SAAL1: variants seen among roughly 807,000 people sequenced by gnomAD.
The protein encoded by SAAL1 is serum amyloid A like 1.
In SAAL1, 42 loss-of-function variants were observed where a neutral mutation model predicts 59.8. The ratio of observed to expected loss-of-function variants is 0.70; its 90% confidence interval spans 0.55 to 0.91. The LOEUF (loss-of-function observed/expected upper bound fraction) is 0.91, where lower values mean the gene tolerates loss of function less well. Ranked by LOEUF, SAAL1 falls within the 40% of genes least tolerant of loss-of-function variation. The pLI is 0.00. For missense variants in SAAL1, 542 were observed against 561.1 expected, an observed-to-expected ratio of 0.97 and a Z score of 0.34; for synonymous variants, 191 against 194.3, an observed-to-expected ratio of 0.98 and a Z score of 0.14.
intron 2 of SAAL1, among the ~76,000 whole-genome samples, chr11:18,097,600 G>A (rs1848590890): frequency 6.6e-6 from 1 of 152,190 alleles, no homozygotes; most frequent in Admixed American, 6.5e-5. Context: ...AACACTTTGG[G>A]AGGCTGGTTA....
chr11:18,090,129 A>T, intron 6 of SAAL1, 46 bp downstream of exon 6: 3 of 1,475,366 alleles, frequency 2.0e-6, no homozygotes, highest in Non-Finnish European at 2.7e-6. Context: ...CCTAAAAATT[A>T]GATACAATTT....
chr11:18,083,874 C>T (rs1848435841), intron 9 of SAAL1, 143 bp from the exon 10 acceptor site: 1 of 471,756 alleles, frequency 2.1e-6, no homozygotes, highest in Non-Finnish European at 3.7e-6. Context: ...CCATAAGAGG[C>T]TTACATTTTT....
In SAAL1 at chr11:18,103,302, C is replaced by A. The variant is rs1012280107; in HGVS notation, c.180G>T (p.Glu60Asp). The change falls in exon 2 of 12, where the codon GAG (glutamate) becomes GAT (aspartate). Residue 60 changes from glutamate (E) to aspartate (D), a missense_variant. Glu to Asp is a conservative substitution (Grantham distance 45). Transcript: ENST00000524803. ...TTTCTTCATCAAGCTCCGTCAGCTG[C>A]TCCTCATCATCTGAGCTAGATTTGG... ...ENTKSSSDDE[E>D]QLTELDEEME... 1 of 1,613,844 alleles carries A rather than the reference C, an allele frequency of 6.2e-7. No individual in the cohort carries two copies. The highest frequency in any genetic ancestry group is 1.3e-5 in the African/African-American group (1 of 74,936).
At position 18,103,307 on chromosome 11, in the gene SAAL1, C is replaced by T; in HGVS notation, c.175G>A (p.Glu59Lys). The change falls in exon 2 of 12, where the codon GAG (glutamate) becomes AAG (lysine). Residue 59 changes from glutamate (E) to lysine (K), a missense_variant. Coordinates refer to ENST00000524803, the MANE Select transcript of SAAL1 (RefSeq NM_138421.3). ...PENTKSSSDDEEQLTELDEEM... is the reference protein window; with the variant it reads ...PENTKSSSDDKEQLTELDEEM... ...TCATCAAGCTCCGTCAGCTGCTCCT[C>T]ATCATCTGAGCTAGATTTGGTGTTT... 2 of 1,613,970 alleles carry T rather than the reference C, an allele frequency of 1.2e-6. No homozygotes were observed. Among genetic ancestry groups the T allele is most frequent in the Non-Finnish European group, 1.7e-6 (2 of 1,179,946 alleles).
intron 1 of SAAL1, among the ~76,000 whole-genome samples, chr11:18,103,812 A>AT (rs1404443401): frequency 6.6e-6 from 1 of 152,206 alleles, no homozygotes; most frequent in Admixed American, 6.5e-5. Flanking sequence ...CGTGACAATA[A>AT]TTATGTGGTA....
intron 2 of SAAL1, among the ~76,000 whole-genome samples, chr11:18,102,104 T>C (rs1848640278): frequency 6.6e-6 from 1 of 152,104 alleles, no homozygotes; most frequent in African/African-American, 2.4e-5. Flanking sequence ...TGCGTACACA[T>C]CCGTCAAAGT....
At chr11:18,083,234 A>G (rs570112457) in intron 10 of SAAL1, 3 of 170,828 alleles carry the variant, frequency 1.8e-5, no homozygotes, top group Non-Finnish European at 2.5e-5. Flanking sequence ...AAAAATGTTT[A>G]TAATACAGTG....
Position 18,087,066 on chromosome 11 carries a change from G to A in SAAL1, c.854-12C>T, listed in dbSNP as rs1267696591. The A allele has an allele frequency of 1.9e-6, 3 of 1,609,646 alleles. No homozygotes were observed. Among genetic ancestry groups the A allele is most frequent in the East Asian group, 2.2e-5 (1 of 44,842 alleles). ...GTCAGGACAATGTACTTAATAAAGA[G>A]GACAAATAAAGCAGTACTTTAAAAT... On this transcript the variant is annotated splice_polypyrimidine_tract_variant and intron_variant, in intron 8 of 11. Coordinates refer to ENST00000524803, the MANE Select transcript of SAAL1 (RefSeq NM_138421.3).
intron 11 of SAAL1, 96 bp from the exon 12 acceptor site, chr11:18,080,587 T>A (rs778935395): frequency 5.7e-6 from 4 of 702,612 alleles, no homozygotes; most frequent in Non-Finnish European, 9.3e-6. Flanking sequence ...AATGGTCCAA[T>A]GGAAAAGAAA....
At chr11:18,088,567 T>C (rs929586462) in intron 7 of SAAL1, among the ~76,000 whole-genome samples, 1 of 152,144 alleles carries the variant, frequency 6.6e-6, no homozygotes, top group African/African-American at 2.4e-5. Context: ...AATGGCTTGA[T>C]TGGCATGGAT....
Position 18,080,913 on chromosome 11 carries a change from T to C in SAAL1, c.1333-422A>G, listed in dbSNP as rs566915644. 2.0e-5 allele frequency among the ~76,000 whole-genome samples: 3 copies of C among 152,338 alleles called. No individual in the cohort carries two copies. The South Asian group carries it at 6.2e-4, about 32-fold the overall frequency. ...CATAACAGAAAGGAGTACTATAAATTCAGAGCTTATTTTTTTCCTCTTAGA... is the reference window on the plus strand; with the variant it reads ...CATAACAGAAAGGAGTACTATAAATCCAGAGCTTATTTTTTTCCTCTTAGA... On this transcript the variant is annotated intron_variant, in intron 11 of 11. Coordinates refer to ENST00000524803, the MANE Select transcript of SAAL1 (RefSeq NM_138421.3).
intron 3 of SAAL1, among the ~76,000 whole-genome samples, chr11:18,096,539 C>T (rs1254753598): frequency 6.6e-6 from 1 of 151,964 alleles, no homozygotes; most frequent in African/African-American, 2.4e-5. Flanking sequence ...GCCGTGATCA[C>T]GCCACTGCAC....
Position 18,083,728 on chromosome 11 carries a change from T to C in SAAL1, c.1046A>G (p.Asp349Gly), listed in dbSNP as rs1332382318. The change falls in exon 10 of 12, where the codon GAT (aspartate) becomes GGT (glycine). Residue 349 changes from aspartate to glycine, a missense_variant. Coordinates refer to ENST00000524803, the MANE Select transcript of SAAL1 (RefSeq NM_138421.3). ...EQEYLKIEKV[D>G]LPLIDSLIRV... is the part of the protein sequence containing the mutation. The stretch of plus-strand genomic sequence containing the variant: ...AATGAGGCTGTCAATTAGAGGAAGA[T>C]CTACTGTATAAACAAATCAAGAAGC... 38 of 1,601,524 alleles carry C rather than the reference T, an allele frequency of 2.4e-5. No individual in the cohort carries two copies. Among genetic ancestry groups the C allele is most frequent in the Non-Finnish European group, 3.2e-5 (38 of 1,173,976 alleles).
At chr11:18,082,334 C>T (rs1848419260) in intron 10 of SAAL1, among the ~76,000 whole-genome samples, 1 of 152,166 alleles carries the variant, frequency 6.6e-6, no homozygotes, top group South Asian at 2.1e-4. Flanking sequence ...ATTTCAATCT[C>T]ATTAATTTAA....
At chr11:18,094,587 A>G (rs1338601834) in intron 3 of SAAL1, among the ~76,000 whole-genome samples, 1 of 152,196 alleles carries the variant, frequency 6.6e-6, no homozygotes, top group Admixed American at 6.5e-5. Context: ...TAAGTTCACT[A>G]GGAAAATGAA....
chr11:18,102,420 T>C (rs185505210), intron 2 of SAAL1, among the ~76,000 whole-genome samples: 260 of 151,346 alleles, frequency 1.7e-3, no homozygotes, highest in Non-Finnish European at 3.0e-3. Context: ...AAAATCAATG[T>C]CAATGATACT....
Position 18,087,333 on chromosome 11 carries a change from G to T in SAAL1, c.771-108C>A, listed in dbSNP as rs948096184. On this transcript the variant is annotated intron_variant, in intron 7 of 11. Transcript: ENST00000524803. ...ATTACTCTGCCAGCCACTGTTCAAGGTGCTGAGGATAAAACAAGGAAAGGA... is the reference window on the plus strand; with the variant it reads ...ATTACTCTGCCAGCCACTGTTCAAGTTGCTGAGGATAAAACAAGGAAAGGA... 2.3e-5 allele frequency: 16 copies of T among 691,278 alleles called. No individual in the cohort carries two copies. In the African/African-American group the frequency reaches 2.9e-4, roughly 12 times the overall value. The allele number at this position is 691,278 out of a possible 1,614,324, so 42.8% of individuals were successfully genotyped here.
chr11:18,094,846 T>C (rs1848555979), intron 3 of SAAL1, among the ~76,000 whole-genome samples: 1 of 152,104 alleles, frequency 6.6e-6, no homozygotes, highest in Non-Finnish European at 1.5e-5. Context: ...CCTTATAAAC[T>C]AAAGAGGGAA....
chr11:18,096,491 G>A (rs1407547412), intron 3 of SAAL1, among the ~76,000 whole-genome samples: 1 of 152,070 alleles, frequency 6.6e-6, no homozygotes, highest in Non-Finnish European at 1.5e-5. Context: ...GCTGAGGTGG[G>A]AGGGTCCCTT....
Sources: allele counts gnomAD v4.1 joint callset (sites outside exome capture counted in the v4.1 genomes callset), GRCh38; gene constraint gnomAD v4.1.1; transcripts MANE v1.5; gene names NCBI Gene and HGNC (gene_info 2026-07-23, HGNC 2026-07-21).